BBS9: variants seen among roughly 807,000 people sequenced by gnomAD.
BBS9 encodes Bardet-Biedl syndrome 9.
A neutral mutation model predicts 117.7 loss-of-function variants in BBS9; 89 were observed. That is an observed-to-expected ratio of 0.76 (90% CI 0.64 to 0.90). BBS9 has a LOEUF of 0.90. Among genes scored for constraint, BBS9 ranks in the 40% least tolerant of loss-of-function variants. The probability of loss-of-function intolerance (pLI) is 0.00; values close to 1 mark genes in which losing one functional copy is unlikely to be tolerated. For synonymous variants in BBS9, 379 were observed against 370.9 expected (o/e 1.02, Z -0.25); for missense variants, 982 against 1,042.2 (o/e 0.94, Z 0.80).
chr7:33,510,449 G>A (rs367983337), intron 20 of BBS9, among the ~76,000 whole-genome samples: 1 of 152,010 alleles, frequency 6.6e-6, no homozygotes, highest in African/African-American at 2.4e-5. Context: ...GCCAAAAGAT[G>A]CAAAACCATC....
intron 5 of BBS9, among the ~76,000 whole-genome samples, chr7:33,234,375 G>T (rs1793076780): frequency 1.3e-5 from 2 of 151,734 alleles, no homozygotes; most frequent in South Asian, 4.2e-4. Context: ...TATTTTTAAG[G>T]TTTACAACTT....
At chr7:33,600,978 C>A (rs1360847939) in intron 21 of BBS9, among the ~76,000 whole-genome samples, 1 of 152,280 alleles carries the variant, frequency 6.6e-6, no homozygotes, top group Non-Finnish European at 1.5e-5. Context: ...GGCCCCATTA[C>A]AAACTTCCTT....
chr7:33,236,883 G>T (rs1793621643), intron 5 of BBS9, among the ~76,000 whole-genome samples: 1 of 151,940 alleles, frequency 6.6e-6, no homozygotes, highest in Admixed American at 6.6e-5. Context: ...TACTCCTCCA[G>T]TCTAATTGAA....
chr7:33,436,756 T>C (rs1366993129), intron 19 of BBS9, among the ~76,000 whole-genome samples: 2 of 152,236 alleles, frequency 1.3e-5, no homozygotes, highest in African/African-American at 4.8e-5. Context: ...AGCTGTGAGC[T>C]GATTAACGGA....
chr7:33,550,927 A>G (rs1264022440), intron 21 of BBS9, among the ~76,000 whole-genome samples: 1 of 152,160 alleles, frequency 6.6e-6, no homozygotes, highest in African/African-American at 2.4e-5. Context: ...TTTTTTATTT[A>G]AAAATAATTA....
At chr7:33,294,335 A>ATCTATCTG (rs1562950905) in intron 9 of BBS9, among the ~76,000 whole-genome samples, 2 of 129,198 alleles carry the variant, frequency 1.5e-5, no homozygotes, top group African/African-American at 6.1e-5. Flanking sequence ...CTATCTATCT[A>ATCTATCTG]TCTATCTATC....
At chr7:33,264,584 T>C (rs946896730) in intron 7 of BBS9, among the ~76,000 whole-genome samples, 1 of 152,116 alleles carries the variant, frequency 6.6e-6, no homozygotes, top group Non-Finnish European at 1.5e-5. Flanking sequence ...TATAACAGAT[T>C]GTAGAGTTGT....
chr7:33,397,114 TA>T (rs916541353), intron 19 of BBS9, among the ~76,000 whole-genome samples: 62 of 152,048 alleles, frequency 4.1e-4, no homozygotes, highest in African/African-American at 1.5e-3. Flanking sequence ...ACAAGGAACT[TA>T]AACAAATTTA....
chr7:33,351,631 A>G (rs1346594269), intron 14 of BBS9, among the ~76,000 whole-genome samples: 2 of 152,134 alleles, frequency 1.3e-5, no homozygotes, highest in African/African-American at 4.8e-5. Context: ...AAAGGCTAGT[A>G]TTGATGCAGG....
intron 5 of BBS9, among the ~76,000 whole-genome samples, chr7:33,210,444 T>C (rs929564746): frequency 3.9e-5 from 6 of 152,236 alleles, no homozygotes; most frequent in Admixed American, 1.3e-4. Flanking sequence ...TCTTGTTGAG[T>C]TCCTGTCTAG....
At chr7:33,594,321 G>A (rs978571379) in intron 21 of BBS9, among the ~76,000 whole-genome samples, 1 of 152,030 alleles carries the variant, frequency 6.6e-6, no homozygotes, top group South Asian at 2.1e-4. Flanking sequence ...ATCAGGCAGC[G>A]GAACTGAGCT....
chr7:33,634,243 C>T (rs1199308722), intron 21 of BBS9, among the ~76,000 whole-genome samples: 2 of 152,134 alleles, frequency 1.3e-5, no homozygotes. Context: ...AGCACTCTGC[C>T]AAAAGGGAGG....
At chr7:33,350,868 A>G (rs1563046012) in intron 13 of BBS9, among the ~76,000 whole-genome samples, 1 of 151,986 alleles carries the variant, frequency 6.6e-6, no homozygotes, top group Admixed American at 6.6e-5. Flanking sequence ...ATTTTTTTGT[A>G]TTTTTAGTAA....
rs115742593 is a variant in BBS9 at position 33,614,742 on chromosome 7, C to T, written c.2522-20435C>T. On this transcript the variant is annotated intron_variant, in intron 21 of 21. Transcript: ENST00000671952. ...AGACCCAGTCATAAGGGAGCCTCCA[C>T]ACTTTCATGAGTTTTCCTTTCAGGA... is the stretch of plus-strand genomic sequence containing the variant. Among the ~76,000 whole-genome samples the T allele has an allele frequency of 5.2e-3, 791 of 152,154 alleles. 7 individuals are homozygous for T. The highest frequency in any genetic ancestry group is 0.019 in the African/African-American group (773 of 41,504).
intron 19 of BBS9, among the ~76,000 whole-genome samples, chr7:33,474,563 G>A (rs1841535119): frequency 6.6e-6 from 1 of 152,154 alleles, no homozygotes; most frequent in African/African-American, 2.4e-5. Flanking sequence ...GATGGCTGCT[G>A]CAGTTCTAGT....
chr7:33,204,258 G>T (rs1786475691), intron 5 of BBS9, among the ~76,000 whole-genome samples: 1 of 42,852 alleles, frequency 2.3e-5, no homozygotes, highest in South Asian at 6.3e-4. Flanking sequence ...ACAAAAATTA[G>T]CCGGTGGTGG....
intron 1 of BBS9, among the ~76,000 whole-genome samples, chr7:33,142,680 T>A (rs1460652115): frequency 6.6e-6 from 1 of 152,230 alleles, no homozygotes; most frequent in Non-Finnish European, 1.5e-5. Context: ...TCATATGGTA[T>A]TTGTCTTTTT....
intron 19 of BBS9, chr7:33,390,156 T>C: frequency 1.7e-6 from 1 of 595,438 alleles, no homozygotes; most frequent in Non-Finnish European, 2.1e-6. Context: ...CATTCTGGGG[T>C]CTACCGTCAT....
At position 33,484,043 on chromosome 7, in the gene BBS9, A is replaced by G. The variant is rs1842803600; in HGVS notation, c.2116-21420A>G. On this transcript the variant is annotated intron_variant, in intron 19 of 22. Transcript: ENST00000242067. ...TGCTAAATAATTCTTTGGTATTAGT[A>G]TTAAGGCAATGTGGAGAAAAAGTTC... Among the ~76,000 whole-genome samples, 10 of 152,334 alleles carry G rather than the reference A, an allele frequency of 6.6e-5. No individual in the cohort carries two copies. The South Asian group carries it at 2.1e-3, about 32-fold the overall frequency.
Sources: allele counts gnomAD v4.1 joint callset (sites outside exome capture counted in the v4.1 genomes callset), GRCh38; gene constraint gnomAD v4.1.1; transcripts MANE v1.5; gene names NCBI Gene and HGNC (gene_info 2026-07-23, HGNC 2026-07-21).